The following PTPN21 variants were observed in gnomAD, a reference collection of about 807,000 sequenced individuals.
The protein encoded by PTPN21 is tyrosine-protein phosphatase non-receptor type 21.
In PTPN21, 77 loss-of-function variants were observed where a neutral mutation model predicts 131.8. That is an observed-to-expected ratio of 0.58 (90% CI 0.49 to 0.71). The LOEUF is 0.71. Ranked by LOEUF, PTPN21 falls within the 30% of genes least tolerant of loss-of-function variation. The probability of loss-of-function intolerance (pLI) is 0.00; values close to 1 mark genes in which losing one functional copy is unlikely to be tolerated. For missense variants in PTPN21, 1,552 were observed against 1,527.1 expected (o/e 1.02, Z -0.27); for synonymous variants, 715 against 621.3 (o/e 1.15, Z -2.24).
In PTPN21 at chr14:88,478,971, C is replaced by CCCA; in HGVS notation, c.2459_2460insTGG (p.Ser820_Asp821insGly). 1 of 1,551,924 alleles carries CCCA rather than the reference C, an allele frequency of 6.4e-7. No homozygotes were observed. Among genetic ancestry groups the CCCA allele is most frequent in the Non-Finnish European group, 8.7e-7 (1 of 1,149,812 alleles). On this transcript the variant is annotated inframe_insertion, in exon 13 of 19. Coordinates refer to ENST00000556564, the MANE Select transcript of PTPN21 (RefSeq NM_007039.4). ...TGTTCTTCTTCCCAGAGAGAAGGTC[C>CCCA]GACACCGGCCTTTTCTTCAGAGAGT...
chr14:88,485,827 GAC>G lies in PTPN21; in HGVS notation c.946_947del (p.Val316HisfsTer17), dbSNP rs1566818491. ...ACCTCCTCCTGATTGGGTTCACTGTGACAGTCTGAGTTTGCCTATAAAATAGG... is the reference window on the plus strand; with the variant it reads ...ACCTCCTCCTGATTGGGTTCACTGTGAGTCTGAGTTTGCCTATAAAATAGG... ...LNQCNLQTQT[V>X]TVNPIRRRSS... On this transcript the variant is annotated frameshift_variant, in exon 11 of 19. Coordinates refer to ENST00000556564, the MANE Select transcript of PTPN21 (RefSeq NM_007039.4). LOFTEE classifies it high-confidence loss of function. The G allele has an allele frequency of 6.2e-7, 1 of 1,607,156 alleles. No individual in the cohort carries two copies. The highest frequency in any genetic ancestry group is 1.7e-5 in the Admixed American group (1 of 59,954).
chr14:88,520,500 A>G (rs2078372669), intron 2 of PTPN21, among the ~76,000 whole-genome samples: 1 of 152,176 alleles, frequency 6.6e-6, no homozygotes, highest in African/African-American at 2.4e-5. Context: ...GCCAAGTCCC[A>G]TTGTTAATTA....
chr14:88,493,198 C>T (rs1363388873), intron 10 of PTPN21: 5 of 395,244 alleles, frequency 1.3e-5, no homozygotes, highest in South Asian at 9.4e-5. Flanking sequence ...CAGTATAATG[C>T]TTGACACAGA....
chr14:88,549,838 C>T (rs1295652520), intron 2 of PTPN21, among the ~76,000 whole-genome samples: 1 of 151,594 alleles, frequency 6.6e-6, no homozygotes, highest in East Asian at 1.9e-4. Flanking sequence ...TCTCGGCTCA[C>T]TGCAGCCTCT....
Position 88,480,114 on chromosome 14 carries a change from G to A in PTPN21, c.1317C>T (p.Ala439=). The part of the protein sequence containing the change: ...PDYLPSHRHS[A]VIPPSYRPTP... ...TGGGGCGGTAGGACGGGGGTATCAC[G>A]GCGCTGTGCCGATGGGACGGGAGGT... The change falls in exon 13 of 19, where the codon GCC becomes GCT. Residue 439 remains alanine (A), a synonymous_variant. Coordinates refer to ENST00000556564, the MANE Select transcript of PTPN21 (RefSeq NM_007039.4). The A allele has an allele frequency of 1.2e-6, 2 of 1,614,176 alleles. No homozygotes were observed. Among genetic ancestry groups the A allele is most frequent in the African/African-American group, 1.3e-5 (1 of 75,056 alleles).
intron 13 of PTPN21, among the ~76,000 whole-genome samples, chr14:88,475,016 T>C (rs1413371129): frequency 6.6e-6 from 1 of 151,878 alleles, no homozygotes; most frequent in Non-Finnish European, 1.5e-5. Flanking sequence ...GGCTTGAACC[T>C]GGGAGGTGGA....
intron 10 of PTPN21, among the ~76,000 whole-genome samples, chr14:88,486,688 A>T (rs1042743142): frequency 9.9e-5 from 15 of 152,160 alleles, no homozygotes; most frequent in African/African-American, 3.1e-4. Flanking sequence ...TTTTAAAAAA[A>T]CACCTAAGGC....
chr14:88,549,989 T>A (rs527268136), intron 2 of PTPN21, among the ~76,000 whole-genome samples: 1 of 152,122 alleles, frequency 6.6e-6, no homozygotes, highest in Admixed American at 6.6e-5. Context: ...TTTCACCATA[T>A]TGGCCAGGCT....
intron 12 of PTPN21, among the ~76,000 whole-genome samples, chr14:88,483,703 T>G (rs1053965074): frequency 3.9e-5 from 6 of 152,168 alleles, no homozygotes; most frequent in East Asian, 1.9e-4. Flanking sequence ...CCCAGTCAAG[T>G]TCCTGCCTTT....
At chr14:88,488,012 A>G (rs2077763926) in intron 10 of PTPN21, among the ~76,000 whole-genome samples, 1 of 151,394 alleles carries the variant, frequency 6.6e-6, no homozygotes. Flanking sequence ...AAGACGCTGC[A>G]TTTTTGCAGC....
intron 13 of PTPN21, among the ~76,000 whole-genome samples, chr14:88,477,909 G>C (rs909977924): frequency 6.6e-6 from 1 of 152,128 alleles, no homozygotes; most frequent in East Asian, 1.9e-4. Context: ...GACTAGCAAG[G>C]CTTCAACAAG....
At chr14:88,505,898 T>C (rs376813408) in intron 4 of PTPN21, among the ~76,000 whole-genome samples, 1 of 152,244 alleles carries the variant, frequency 6.6e-6, no homozygotes, top group Non-Finnish European at 1.5e-5. Flanking sequence ...TGAAAAGGAA[T>C]GTGGCTCCAT....
At chr14:88,503,063 T>TTTG (rs1204756992) in intron 6 of PTPN21, among the ~76,000 whole-genome samples, 1 of 151,794 alleles carries the variant, frequency 6.6e-6, no homozygotes, top group African/African-American at 2.4e-5. Context: ...CTTTTTTTTT[T>TTTG]TTTTGCTCTG....
chr14:88,493,168 T>C (rs2077850663), intron 10 of PTPN21: 3 of 431,748 alleles, frequency 6.9e-6, no homozygotes, highest in Non-Finnish European at 1.4e-5. Flanking sequence ...ACTGTAAGGA[T>C]TAAAGAAAAT....
rs188350515 is a variant in PTPN21 at position 88,466,855 on chromosome 14, G to A, written c.*1282C>T. Reference sequence around the variant, plus strand: ...TGGACTGTACTTTTTGGGAGAAGAGGTGAAAACTATTATTAACTATTCCCT... The same window carrying A: ...TGGACTGTACTTTTTGGGAGAAGAGATGAAAACTATTATTAACTATTCCCT... On this transcript the variant is annotated 3_prime_UTR_variant, in exon 19 of 19. Coordinates refer to ENST00000556564, the MANE Select transcript of PTPN21 (RefSeq NM_007039.4). 1.3e-5 allele frequency: 2 copies of A among 152,300 alleles called. No homozygotes were observed. The highest frequency in any genetic ancestry group is 3.9e-4 in the East Asian group (2 of 5,186). 9.4% of individuals were successfully genotyped at this position (152,300 alleles called of 1,614,324 possible).
At chr14:88,512,068 A>G (rs182610966) in intron 3 of PTPN21, among the ~76,000 whole-genome samples, 1 of 152,198 alleles carries the variant, frequency 6.6e-6, no homozygotes, top group East Asian at 1.9e-4. Flanking sequence ...ATATGTAGAG[A>G]CATTAAGTAT....
chr14:88,490,282 T>A (rs2140115240), intron 10 of PTPN21, among the ~76,000 whole-genome samples: 1 of 152,192 alleles, frequency 6.6e-6, no homozygotes, highest in South Asian at 2.1e-4. Flanking sequence ...GTGCTGGGAT[T>A]ACAGGCATGA....
intron 12 of PTPN21, among the ~76,000 whole-genome samples, chr14:88,482,902 C>A (rs1379588007): frequency 6.6e-6 from 1 of 151,454 alleles, no homozygotes; most frequent in African/African-American, 2.4e-5. Context: ...AAGCAGCACA[C>A]AGAGAGTACT....
chr14:88,485,019 C>A, intron 12 of PTPN21, 57 bp downstream of exon 12: 1 of 1,426,188 alleles, frequency 7.0e-7, no homozygotes, highest in South Asian at 1.2e-5. Context: ...TCCAAGCATT[C>A]ACAGATTTAT....
Sources: allele counts gnomAD v4.1 joint callset (sites outside exome capture counted in the v4.1 genomes callset), GRCh38; gene constraint gnomAD v4.1.1; transcripts MANE v1.5; gene names NCBI Gene and HGNC (gene_info 2026-07-23, HGNC 2026-07-21).